The following GDA variants were observed in gnomAD, a reference collection of about 807,000 sequenced individuals.
GDA encodes the protein guanine deaminase.
In GDA, 18 loss-of-function variants were observed where a neutral mutation model predicts 59.6. That is an observed-to-expected ratio of 0.30 (90% CI 0.21 to 0.45). The LOEUF (loss-of-function observed/expected upper bound fraction) is 0.45. Ranked by LOEUF, GDA falls within the 20% of genes least tolerant of loss-of-function variation. The probability of loss-of-function intolerance (pLI) is 1.00; values close to 1 mark genes in which losing one functional copy is unlikely to be tolerated. For synonymous variants in GDA, 201 were observed against 201.1 expected, an observed-to-expected ratio of 1.00 and a Z score of 0.00; for missense variants, 427 against 552.3, an observed-to-expected ratio of 0.77 and a Z score of 2.27.
chr9:72,230,962 A>G, intron 9 of GDA, 152 bp from the exon 10 acceptor site: 1 of 632,996 alleles, frequency 1.6e-6, no homozygotes, highest in South Asian at 1.9e-5. Context: ...CAGGACTTGG[A>G]TGGTCTGATT....
At chr9:72,253,944 T>TA (rs1840829895), downstream of GDA, among the ~76,000 whole-genome samples, 1 of 151,962 alleles carries the variant, frequency 6.6e-6, no homozygotes, top group South Asian at 2.1e-4. Context: ...CCCTAAAACT[T>TA]AAAGTATAGT....
intron 1 of GDA, among the ~76,000 whole-genome samples, chr9:72,158,397 T>A (rs1828194478): frequency 6.6e-6 from 1 of 151,930 alleles, no homozygotes; most frequent in African/African-American, 2.4e-5. Flanking sequence ...ATCGAGACCA[T>A]CCTGGCTAAC....
intron 1 of GDA, among the ~76,000 whole-genome samples, chr9:72,175,985 G>C (rs1479236093): frequency 1.3e-5 from 2 of 152,076 alleles, no homozygotes; most frequent in Non-Finnish European, 2.9e-5. Context: ...CAAAACTTAG[G>C]GGCTTGAAAC....
downstream of GDA, among the ~76,000 whole-genome samples, chr9:72,252,984 A>G (rs1243938595): frequency 1.3e-5 from 2 of 152,214 alleles, no homozygotes; most frequent in African/African-American, 4.8e-5. Context: ...AAAAATAGAA[A>G]TAATTTTATA....
chr9:72,207,223 ATTTCTC>A (rs895171484), intron 3 of GDA, among the ~76,000 whole-genome samples: 8 of 151,976 alleles, frequency 5.3e-5, no homozygotes, highest in Admixed American at 2.0e-4. Context: ...GAATTCTGTT[ATTTCTC>A]TTTCTCTTTC....
rs1830166061 is a variant in GDA at position 72,173,182 on chromosome 9, T to C, written c.124-22318T>C. Among the ~76,000 whole-genome samples the C allele has an allele frequency of 3.3e-5, 5 of 152,200 alleles. No homozygotes were observed. In the South Asian group the frequency reaches 1.0e-3, roughly 32 times the overall value. ...CCTGGAAGCTCTAGAGGGGAATCTC[T>C]AGATTCTCCTTTGCTTTTCCAGTTT... On this transcript the variant is annotated intron_variant, in intron 1 of 13. Coordinates refer to ENST00000358399, the MANE Select transcript of GDA (RefSeq NM_004293.5).
intron 1 of GDA, among the ~76,000 whole-genome samples, chr9:72,133,916 C>T (rs1037245716): frequency 6.6e-6 from 1 of 152,194 alleles, no homozygotes; most frequent in African/African-American, 2.4e-5. Flanking sequence ...CAGGAGTGTG[C>T]TATCATCAGG....
At position 72,245,285 on chromosome 9, in the gene GDA, A is replaced by G. The variant is rs764900868; in HGVS notation, c.1266+7A>G. 5.0e-6 allele frequency: 8 copies of G among 1,601,322 alleles called. No individual in the cohort carries two copies. In the East Asian group the frequency reaches 1.8e-4, roughly 36 times the overall value. On this transcript the variant is annotated splice_region_variant and intron_variant, in intron 12 of 13. Coordinates refer to ENST00000358399, the MANE Select transcript of GDA (RefSeq NM_004293.5). ...TTTTGGTGATATTTCTGAGGTAAGT[A>G]AAAGAAAGTTAATCAAAAGGCATTT...
chr9:72,154,664 T>C (rs1182042628), intron 1 of GDA, among the ~76,000 whole-genome samples: 1 of 152,222 alleles, frequency 6.6e-6, no homozygotes, highest in Non-Finnish European at 1.5e-5. Context: ...GACTTGACAA[T>C]GTCATTATTT....
chr9:72,193,518 A>G (rs1207558884), intron 1 of GDA, among the ~76,000 whole-genome samples: 2 of 152,244 alleles, frequency 1.3e-5, no homozygotes, highest in African/African-American at 4.8e-5. Context: ...CTCGGGGTAG[A>G]GTGACACAAG....
At chr9:72,154,580 A>G (rs1458520186) in intron 1 of GDA, among the ~76,000 whole-genome samples, 1 of 152,212 alleles carries the variant, frequency 6.6e-6, no homozygotes, top group East Asian at 1.9e-4. Flanking sequence ...GGACCCAAAG[A>G]TGCACCCTGG....
At chr9:72,165,787 A>C (rs938519111) in intron 1 of GDA, among the ~76,000 whole-genome samples, 1 of 131,792 alleles carries the variant, frequency 7.6e-6, no homozygotes, top group African/African-American at 2.5e-5. Flanking sequence ...AATCCCAGCT[A>C]CTTGGGAGGC....
At chr9:72,173,883 T>C (rs1374861720) in intron 1 of GDA, among the ~76,000 whole-genome samples, 2 of 152,138 alleles carry the variant, frequency 1.3e-5, no homozygotes, top group Admixed American at 6.5e-5. Flanking sequence ...TTGTGTGGGT[T>C]CTTCCTCAAA....
At chr9:72,181,996 C>G (rs1315231734) in intron 1 of GDA, among the ~76,000 whole-genome samples, 1 of 152,154 alleles carries the variant, frequency 6.6e-6, no homozygotes, top group African/African-American at 2.4e-5. Flanking sequence ...TCTCTACTCT[C>G]TCTACATATA....
chr9:72,153,525 G>A (rs2130754347), intron 1 of GDA, among the ~76,000 whole-genome samples: 1 of 150,412 alleles, frequency 6.6e-6, no homozygotes, highest in East Asian at 2.0e-4. Flanking sequence ...AAAGACACAT[G>A]CACACGTATG....
At chr9:72,206,380 C>T (rs1475836996) in intron 3 of GDA, among the ~76,000 whole-genome samples, 3 of 151,112 alleles carry the variant, frequency 2.0e-5, no homozygotes, top group Non-Finnish European at 4.4e-5. Context: ...TTTTTTTTGC[C>T]GTGTATACTA....
At position 72,250,182 on chromosome 9, in the gene GDA, C is replaced by G; in HGVS notation, c.*1840C>G. The G allele has an allele frequency of 1.0e-6, 1 of 984,446 alleles. No individual in the cohort carries two copies. The highest frequency in any genetic ancestry group is 1.2e-6 in the Non-Finnish European group (1 of 829,014). The allele number at this position is 984,446 out of a possible 1,614,324, so 61.0% of individuals were successfully genotyped here. A position where few individuals can be genotyped will look rare whatever the true frequency, so the allele number is the denominator to read the frequency against. On this transcript the variant is annotated 3_prime_UTR_variant, in exon 14 of 14. Transcript: ENST00000358399. The stretch of plus-strand genomic sequence containing the variant: ...TATCACTCAACCCCTGCCAAAGGAA[C>G]TTGATTACATGGTGTCTAACCAAAT...
At chr9:72,222,170 T>A (rs962425112) in intron 6 of GDA, among the ~76,000 whole-genome samples, 1 of 152,212 alleles carries the variant, frequency 6.6e-6, no homozygotes, top group African/African-American at 2.4e-5. Context: ...ATTTACACTC[T>A]TACCAACAGT....
chr9:72,215,888 T>C lies in GDA; in HGVS notation c.578+1897T>C, dbSNP rs189108530. On this transcript the variant is annotated intron_variant, in intron 5 of 13. Coordinates refer to ENST00000358399, the MANE Select transcript of GDA (RefSeq NM_004293.5). ...CACGTAAAGACTTGCAGGTAAATGT[T>C]CATAGTGACATCATTTATAGAAGAC... 1.7e-3 allele frequency among the ~76,000 whole-genome samples: 253 copies of C among 152,288 alleles called. No homozygotes were observed. The Middle Eastern group carries it at 0.024, about 14-fold the overall frequency.
Sources: gnomAD v4.1 joint callset for allele counts (sites outside exome capture counted in the v4.1 genomes callset) on GRCh38, gnomAD v4.1.1 for gene constraint, MANE v1.5 for transcripts, NCBI Gene and HGNC (gene_info 2026-07-23, HGNC 2026-07-21) for gene names.